Variants in GRM7 observed in about 807,000 individuals in gnomAD.
GRM7 encodes metabotropic glutamate receptor 7.
Under a neutral mutation model 84.5 loss-of-function variants are expected in GRM7, and 35 were observed. The ratio of observed to expected loss-of-function variants is 0.41; its 90% confidence interval spans 0.32 to 0.55. GRM7 has a LOEUF of 0.55. Among genes scored for constraint, GRM7 ranks in the 20% least tolerant of loss-of-function variants. The pLI, the probability that GRM7 is intolerant of heterozygous loss-of-function variation, is 0.19. For missense variants in GRM7, 1,003 were observed against 1,194.6 expected (o/e 0.84, Z 2.36); for synonymous variants, 487 against 455.1 (o/e 1.07, Z -0.89).
intron 7 of GRM7, among the ~76,000 whole-genome samples, chr3:7,537,939 C>T (rs1692645537): frequency 6.6e-6 from 1 of 152,050 alleles, no homozygotes; most frequent in African/African-American, 2.4e-5. Context: ...TGTTTTGTTT[C>T]CCCGCTCCCC....
intron 1 of GRM7, among the ~76,000 whole-genome samples, chr3:6,947,598 T>C (rs1698138031): frequency 6.6e-6 from 1 of 152,240 alleles, no homozygotes; most frequent in South Asian, 2.1e-4. Flanking sequence ...TCCCTCTTTT[T>C]CTATTGATTG....
At position 7,486,268 on chromosome 3, in the gene GRM7, A is replaced by G. The variant is rs1378171996; in HGVS notation, c.1515+24546A>G. Among the ~76,000 whole-genome samples the G allele has an allele frequency of 6.6e-6, 1 of 152,112 alleles. No homozygotes were observed. Among genetic ancestry groups the G allele is most frequent in the Non-Finnish European group, 1.5e-5 (1 of 68,034 alleles). On this transcript the variant is annotated intron_variant, in intron 7 of 9. Transcript: ENST00000357716. The surrounding 1 kb of genome is among the most constrained non-coding windows in gnomAD (Gnocchi z 5.5). ...TGTATTTAAGTGTTTTTGCTTCCCA[A>G]GAAATGATGGTAATGATAATGGCGA...
intron 1 of GRM7, among the ~76,000 whole-genome samples, chr3:6,989,491 T>C (rs1351731144): frequency 6.6e-6 from 1 of 152,244 alleles, no homozygotes; most frequent in Non-Finnish European, 1.5e-5. Context: ...CATATATAAA[T>C]AGAAAACTTA....
intron 7 of GRM7, among the ~76,000 whole-genome samples, chr3:7,534,733 C>T (rs1016201309): frequency 6.6e-6 from 1 of 152,044 alleles, no homozygotes; most frequent in Admixed American, 6.6e-5. Context: ...CTTATCTTTA[C>T]AGAGTATATA....
At chr3:7,192,442 C>G (rs915144522) in intron 2 of GRM7, among the ~76,000 whole-genome samples, 6 of 152,090 alleles carry the variant, frequency 3.9e-5, no homozygotes, top group African/African-American at 1.4e-4. Context: ...ACTGCACTCC[C>G]CCAGAAGTTG....
chr3:7,677,983 CAG>C (rs770477627), intron 8 of GRM7, among the ~76,000 whole-genome samples: 1 of 152,072 alleles, frequency 6.6e-6, no homozygotes. Context: ...AACACAGAAA[CAG>C]AAAATCAAAT....
chr3:7,338,937 A>G lies in GRM7; in HGVS notation c.1033+32285A>G, dbSNP rs1040180011. Among the ~76,000 whole-genome samples, 92 of 129,582 alleles carry G rather than the reference A, an allele frequency of 7.1e-4. 4 individuals carry two copies. The highest frequency in any genetic ancestry group is 3.8e-3 in the Middle Eastern group (1 of 260). The allele number at this position is 129,582 out of a possible 152,430, so 85.0% of individuals were successfully genotyped here. On this transcript the variant is annotated intron_variant, in intron 4 of 9. Transcript: ENST00000357716. The stretch of plus-strand genomic sequence containing the variant: ...ACAGAGACTACTTTCCAGGCTGGGG[A>G]AAAAAAAAAAAACAATACTCCTACC...
Position 7,435,224 on chromosome 3 carries a change from C to T in GRM7, c.1175-17383C>T, listed in dbSNP as rs140430700. Among the ~76,000 whole-genome samples, 390 of 151,896 alleles carry T rather than the reference C, an allele frequency of 2.6e-3. 2 individuals carry two copies. Among genetic ancestry groups the T allele is most frequent in the African/African-American group, 9.1e-3 (376 of 41,434 alleles). On this transcript the variant is annotated intron_variant, in intron 5 of 9. Coordinates refer to ENST00000357716, the MANE Select transcript of GRM7 (RefSeq NM_000844.4). ...TGTTGCCTTGGCTGGAGTACAGTGC[C>T]TTGATCTCGGCTCACTGTGGCCTTG...
At chr3:6,894,926 A>G (rs917724410) in intron 1 of GRM7, among the ~76,000 whole-genome samples, 1 of 152,214 alleles carries the variant, frequency 6.6e-6, no homozygotes, top group Non-Finnish European at 1.5e-5. Flanking sequence ...GTCTAAGTGT[A>G]ATAAACAGAG....
At chr3:7,250,507 GTTTA>G (rs1273400278) in intron 2 of GRM7, among the ~76,000 whole-genome samples, 8 of 110,414 alleles carry the variant, frequency 7.2e-5, no homozygotes, top group African/African-American at 1.4e-4. Context: ...ATTTATATTT[GTTTA>G]TTTATTTATT....
chr3:6,990,416 G>A (rs1291645421), intron 1 of GRM7, among the ~76,000 whole-genome samples: 1 of 152,140 alleles, frequency 6.6e-6, no homozygotes, highest in African/African-American at 2.4e-5. Context: ...GTTGGGAGAT[G>A]GGTGTTAGGA....
intron 7 of GRM7, among the ~76,000 whole-genome samples, chr3:7,549,631 C>T (rs906766773): frequency 7.9e-5 from 12 of 152,066 alleles, no homozygotes; most frequent in East Asian, 1.9e-4. Flanking sequence ...AACTTCTCCC[C>T]GTATCTTTTT....
At position 7,461,599 on chromosome 3, in the gene GRM7, A is replaced by G. The variant is rs1427175592; in HGVS notation, c.1392A>G (p.Pro464=). The G allele has an allele frequency of 6.2e-7, 1 of 1,612,920 alleles. No homozygotes were observed. Among genetic ancestry groups the G allele is most frequent in the Non-Finnish European group, 8.5e-7 (1 of 1,178,946 alleles). ...CTTCCTTAGGTAGTGCTGGCACTCC[A>G]GTGATGTTTAACAAGAACGGGGATG... The part of the protein sequence containing the change: ...NVNFNGSAGT[P]VMFNKNGDAP... Residue 464 remains proline (P), a synonymous_variant, in exon 7 of 10, where the codon CCA becomes CCG. Coordinates refer to ENST00000357716, the MANE Select transcript of GRM7 (RefSeq NM_000844.4).
At chr3:7,554,628 C>G (rs909589941) in intron 7 of GRM7, among the ~76,000 whole-genome samples, 1 of 152,158 alleles carries the variant, frequency 6.6e-6, no homozygotes. Flanking sequence ...ATGTCACAGT[C>G]TAGTGTGGGC....
intron 6 of GRM7, among the ~76,000 whole-genome samples, chr3:7,454,638 T>G (rs1697927548): frequency 6.6e-6 from 1 of 152,084 alleles, no homozygotes; most frequent in Non-Finnish European, 1.5e-5. Context: ...TCTATGTATA[T>G]AATGGGACTG....
At chr3:7,097,123 C>G (rs984680286) in intron 1 of GRM7, among the ~76,000 whole-genome samples, 1 of 152,100 alleles carries the variant, frequency 6.6e-6, no homozygotes, top group African/African-American at 2.4e-5. Flanking sequence ...GCATGCTGGT[C>G]AACACTGAGT....
intron 1 of GRM7, among the ~76,000 whole-genome samples, chr3:7,132,143 C>T (rs1384628250): frequency 6.6e-6 from 1 of 152,156 alleles, no homozygotes; most frequent in Non-Finnish European, 1.5e-5. Flanking sequence ...GTTCTTTCTT[C>T]AGTGACCTTT....
intron 5 of GRM7, among the ~76,000 whole-genome samples, chr3:7,422,936 A>G (rs1376166994): frequency 6.6e-6 from 1 of 152,196 alleles, no homozygotes; most frequent in Admixed American, 6.6e-5. Context: ...CAAGCAAAGT[A>G]GATGGATGGC....
intron 1 of GRM7, among the ~76,000 whole-genome samples, chr3:7,099,392 TTA>T: frequency 6.7e-6 from 1 of 148,286 alleles, no homozygotes; most frequent in African/African-American, 2.5e-5. Context: ...AATATATACA[TTA>T]TATACATACA....
Sources: allele counts gnomAD v4.1 joint callset (sites outside exome capture counted in the v4.1 genomes callset), GRCh38; gene constraint gnomAD v4.1.1; non-coding constraint Gnocchi (gnomAD v3.1); transcripts MANE v1.5; gene names NCBI Gene and HGNC (gene_info 2026-07-23, HGNC 2026-07-21).